EMCN: variants seen among roughly 807,000 people sequenced by gnomAD.
EMCN encodes the protein MUC-14.
EMCN carries 37 observed loss-of-function variants against 38.4 expected under a neutral mutation model. The observed-to-expected ratio is 0.96, with a 90% CI of 0.74 to 1.27. EMCN has a LOEUF of 1.27. EMCN is among the 50% of genes most tolerant of loss of function. The pLI is 0.00. For synonymous variants in EMCN, 95 were observed against 100.8 expected (o/e 0.94, Z 0.35); for missense variants, 318 against 302.8 (o/e 1.05, Z -0.37).
At chr4:100,468,187 G>A (rs1420063156) in intron 3 of EMCN, among the ~76,000 whole-genome samples, 2 of 152,208 alleles carry the variant, frequency 1.3e-5, no homozygotes, top group Non-Finnish European at 2.9e-5. Context: ...GTACCAGATT[G>A]TAAATGGAGA....
At chr4:100,453,711 A>G (rs1727916548) in intron 4 of EMCN, among the ~76,000 whole-genome samples, 1 of 152,098 alleles carries the variant, frequency 6.6e-6, no homozygotes, top group Non-Finnish European at 1.5e-5. Context: ...TGCTATAAAG[A>G]CACATGCACA....
In EMCN at chr4:100,395,588, C is replaced by A. The variant is rs964162119; in HGVS notation, c.*2825G>T. On this transcript the variant is annotated 3_prime_UTR_variant, in exon 12 of 12. Coordinates refer to ENST00000296420, the MANE Select transcript of EMCN (RefSeq NM_016242.4). ...ATTTTTAAAGGTCATATTCACTTTT[C>A]CTTTCAACATCATAAAATCTTGAAT... 2 of 152,110 alleles carry A rather than the reference C, an allele frequency of 1.3e-5. No homozygotes were observed. The highest frequency in any genetic ancestry group is 4.8e-5 in the African/African-American group (2 of 41,424). 9.4% of individuals were successfully genotyped at this position (152,110 alleles called of 1,614,324 possible).
chr4:100,461,685 ATCT>A (rs1001814037), intron 4 of EMCN, among the ~76,000 whole-genome samples: 1 of 152,152 alleles, frequency 6.6e-6, no homozygotes, highest in African/African-American at 2.4e-5. Context: ...TTTGAGTATG[ATCT>A]TCTTTTTTGA....
rs35561750 is a variant in EMCN at position 100,398,380 on chromosome 4, G to GCAA, written c.*40-10_*40-8dup. ...TAGAAGCTGAAGATTAAGCCTGTGA[G>GCAA]CAACAACAACAACAACAACAACAAC... On this transcript the variant is annotated splice_region_variant and splice_polypyrimidine_tract_variant and intron_variant, in intron 11 of 11. Coordinates refer to ENST00000296420, the MANE Select transcript of EMCN (RefSeq NM_016242.4). 0.37 allele frequency: 55,865 copies of GCAA among 150,054 alleles called. 11,068 individuals carry two copies. The highest frequency in any genetic ancestry group is 0.46 in the Non-Finnish European group (31,109 of 67,372). The allele number at this position is 150,054 out of a possible 1,614,324, so 9.3% of individuals were successfully genotyped here.
chr4:100,500,534 A>G (rs1729324911), intron 1 of EMCN, among the ~76,000 whole-genome samples: 1 of 152,158 alleles, frequency 6.6e-6, no homozygotes, highest in African/African-American at 2.4e-5. Flanking sequence ...TCTAGAGGTA[A>G]CTGCTAATCT....
At chr4:100,466,214 G>GT (rs138874266) in intron 3 of EMCN, among the ~76,000 whole-genome samples, 11,413 of 152,156 alleles carry the variant, frequency 0.075, 570 homozygotes, top group Middle Eastern at 0.12. Context: ...ATGCCCTTCA[G>GT]TTTTTTCAGT....
At chr4:100,438,364 T>C (rs1727414051) in intron 5 of EMCN, among the ~76,000 whole-genome samples, 1 of 152,122 alleles carries the variant, frequency 6.6e-6, no homozygotes, top group Admixed American at 6.5e-5. Flanking sequence ...TAATTTTTTA[T>C]GGTACCATAA....
At chr4:100,457,532 GT>G (rs916760842) in intron 4 of EMCN, among the ~76,000 whole-genome samples, 6 of 152,046 alleles carry the variant, frequency 3.9e-5, no homozygotes, top group Admixed American at 6.6e-5. Flanking sequence ...TTTGTCAAAT[GT>G]TTTTCTGCAA....
intron 5 of EMCN, among the ~76,000 whole-genome samples, chr4:100,444,340 T>C (rs767424680): frequency 1.3e-5 from 2 of 152,014 alleles, no homozygotes; most frequent in African/African-American, 2.4e-5. Context: ...GGCACTGGAG[T>C]GTGCAATTAT....
At chr4:100,517,764 G>T in intron 1 of EMCN, 87 bp downstream of exon 1, 1 of 1,230,408 alleles carries the variant, frequency 8.1e-7, no homozygotes, top group East Asian at 2.3e-5. Flanking sequence ...TAAGTGTCAG[G>T]GGAAGATCCC....
intron 2 of EMCN, among the ~76,000 whole-genome samples, chr4:100,479,209 G>A (rs762473140): frequency 6.6e-6 from 1 of 152,040 alleles, no homozygotes; most frequent in Non-Finnish European, 1.5e-5. Context: ...TGATTTTCTG[G>A]GGTCTTTCTA....
intron 7 of EMCN, among the ~76,000 whole-genome samples, chr4:100,422,004 G>GCCTT (rs560297457): frequency 0.012 from 1,758 of 151,488 alleles, 35 homozygotes; most frequent in African/African-American, 0.039. Flanking sequence ...AGTATTGCCT[G>GCCTT]CCTTCCTTCC....
intron 1 of EMCN, among the ~76,000 whole-genome samples, chr4:100,485,801 C>T (rs1322178855): frequency 1.3e-5 from 2 of 151,986 alleles, no homozygotes; most frequent in African/African-American, 2.4e-5. Flanking sequence ...TGGCCAACCA[C>T]ATTAAATGCA....
At chr4:100,507,706 C>G (rs1729519873) in intron 1 of EMCN, among the ~76,000 whole-genome samples, 1 of 152,198 alleles carries the variant, frequency 6.6e-6, no homozygotes, top group South Asian at 2.1e-4. Flanking sequence ...TTTCTCCCAG[C>G]ATCTGTCATT....
intron 1 of EMCN, among the ~76,000 whole-genome samples, chr4:100,491,944 G>C (rs1729092742): frequency 6.6e-6 from 1 of 152,156 alleles, no homozygotes; most frequent in Admixed American, 6.6e-5. Context: ...AGAAAAAGTA[G>C]CTGTCTCCTC....
chr4:100,441,182 T>C (rs1308207436), intron 5 of EMCN, among the ~76,000 whole-genome samples: 1 of 152,206 alleles, frequency 6.6e-6, no homozygotes, highest in African/African-American at 2.4e-5. Flanking sequence ...TTTATGTATT[T>C]AGGTGCTCCA....
In EMCN at chr4:100,456,631, G is replaced by GT. The variant is rs921249953; in HGVS notation, c.376+8791dup. Among the ~76,000 whole-genome samples the GT allele has an allele frequency of 2.8e-3, 409 of 148,262 alleles. 2 individuals carry two copies. Among genetic ancestry groups the GT allele is most frequent in the Admixed American group, 7.5e-3 (111 of 14,860 alleles). On this transcript the variant is annotated intron_variant, in intron 4 of 11. Coordinates refer to ENST00000296420, the MANE Select transcript of EMCN (RefSeq NM_016242.4). ...TGTATCAGCATAGAGCTATCTTTTA[G>GT]TTTTTTTTTTGTTTAGATTAATTCC...
rs1266739594 is a variant in EMCN at position 100,421,364 on chromosome 4, C to A, written c.582G>T (p.Pro194=). Residue 194 remains proline, a synonymous_variant, in exon 8 of 12, where the codon CCG becomes CCT. Coordinates refer to ENST00000296420, the MANE Select transcript of EMCN (RefSeq NM_016242.4). ...TSRSYSSIIL[P]VVIALIVITL... is the part of the protein sequence containing the mutation. ...TTATTACAATCAAAGCAATAACCAC[C>A]GGCAAAATAATACCTAAAAAGAATT... The A allele has an allele frequency of 1.9e-6, 3 of 1,612,004 alleles. No homozygotes were observed. The highest frequency in any genetic ancestry group is 2.5e-6 in the Non-Finnish European group (3 of 1,178,602).
chr4:100,502,036 T>TC (rs1216997694), intron 1 of EMCN, among the ~76,000 whole-genome samples: 6 of 152,028 alleles, frequency 3.9e-5, no homozygotes, highest in Admixed American at 3.3e-4. Flanking sequence ...AGAGAAAAGC[T>TC]CCCCCACGTA....
Sources: allele counts gnomAD v4.1 joint callset (sites outside exome capture counted in the v4.1 genomes callset), GRCh38; gene constraint gnomAD v4.1.1; transcripts MANE v1.5; gene names NCBI Gene and HGNC (gene_info 2026-07-23, HGNC 2026-07-21).